MSRA: variants seen among roughly 807,000 people sequenced by gnomAD.
The protein encoded by MSRA is methionine sulfoxide reductase A.
In MSRA, 54 loss-of-function variants were observed where a neutral mutation model predicts 31.3. That is an observed-to-expected ratio of 1.73 (90% confidence interval 1.39 to 2.17). The LOEUF (loss-of-function observed/expected upper bound fraction) is 2.17, where lower values mean the gene tolerates loss of function less well. MSRA is among the 30% of genes most tolerant of loss of function. The pLI is 0.00. For synonymous variants in MSRA, 169 were observed against 116.5 expected, an observed-to-expected ratio of 1.45 and a Z score of -2.90; for missense variants, 507 against 300.9, an observed-to-expected ratio of 1.69 and a Z score of -5.07.
chr8:10,282,548 C>G (rs985464232), intron 3 of MSRA, among the ~76,000 whole-genome samples: 6 of 152,202 alleles, frequency 3.9e-5, no homozygotes, highest in African/African-American at 1.4e-4. Flanking sequence ...CCTATTATCT[C>G]TGTAGCCTCC....
At chr8:10,114,550 G>C (rs1332268074) in intron 1 of MSRA, among the ~76,000 whole-genome samples, 8 of 152,090 alleles carry the variant, frequency 5.3e-5, no homozygotes, top group African/African-American at 1.9e-4. Context: ...GGTGTGAAGT[G>C]GTATCTCATT....
intron 3 of MSRA, among the ~76,000 whole-genome samples, chr8:10,296,338 C>G (rs781750930): frequency 2.0e-5 from 3 of 152,184 alleles, no homozygotes; most frequent in Non-Finnish European, 2.9e-5. Context: ...TACGGAAACA[C>G]GAAAGGTTAA....
At chr8:10,177,327 G>T (rs1212656879) in intron 1 of MSRA, among the ~76,000 whole-genome samples, 2 of 152,210 alleles carry the variant, frequency 1.3e-5, no homozygotes, top group African/African-American at 4.8e-5. Flanking sequence ...TGATGTAACT[G>T]ACAACACACT....
intron 1 of MSRA, among the ~76,000 whole-genome samples, chr8:10,119,702 C>G (rs749438631): frequency 2.0e-5 from 3 of 152,014 alleles, no homozygotes; most frequent in Non-Finnish European, 4.4e-5. Flanking sequence ...TGAAGACAGT[C>G]GTAAGGGAGG....
intron 1 of MSRA, among the ~76,000 whole-genome samples, chr8:10,116,866 C>T (rs533512633): frequency 2.4e-4 from 36 of 152,078 alleles, no homozygotes; most frequent in African/African-American, 7.5e-4. Context: ...ACTTGGGAGG[C>T]GAGGCAGGAG....
intron 5 of MSRA, among the ~76,000 whole-genome samples, chr8:10,339,343 A>T (rs1022998164): frequency 1.3e-5 from 2 of 152,128 alleles, no homozygotes; most frequent in Non-Finnish European, 2.9e-5. Flanking sequence ...TTGAAATTAG[A>T]CTTGACCTTG....
In MSRA at chr8:10,428,437, T is replaced by G; in HGVS notation, c.*125T>G. 3 of 1,064,770 alleles carry G rather than the reference T, an allele frequency of 2.8e-6. No homozygotes were observed. The highest frequency in any genetic ancestry group is 4.1e-6 in the Non-Finnish European group (3 of 737,000). The allele number at this position is 1,064,770 out of a possible 1,614,324, so 66.0% of individuals were successfully genotyped here. On this transcript the variant is annotated 3_prime_UTR_variant, in exon 6 of 6. Transcript: ENST00000317173. ...AAAGTACAAAGGAATTTATACAGAT[T>G]GGGTTTACCGAAGTATAATCTATAG...
At chr8:10,224,459 T>G (rs746993924) in intron 2 of MSRA, among the ~76,000 whole-genome samples, 38 of 151,792 alleles carry the variant, frequency 2.5e-4, no homozygotes, top group Middle Eastern at 6.8e-3. Context: ...GAGCTTGATT[T>G]TCCTATTTAA....
At chr8:10,121,012 CGTTAAA>C (rs1349788318) in intron 1 of MSRA, among the ~76,000 whole-genome samples, 1 of 152,108 alleles carries the variant, frequency 6.6e-6, no homozygotes, top group Admixed American at 6.6e-5. Context: ...CTTTCGTTTG[CGTTAAA>C]ATTAAGTCAA....
chr8:10,111,857 A>G (rs1800314359), intron 1 of MSRA, among the ~76,000 whole-genome samples: 1 of 152,152 alleles, frequency 6.6e-6, no homozygotes, highest in Admixed American at 6.5e-5. Flanking sequence ...CTGCCCTGTG[A>G]GGCTTACATT....
At chr8:10,272,607 ATAT>A (rs1255220017) in intron 3 of MSRA, among the ~76,000 whole-genome samples, 1 of 152,244 alleles carries the variant, frequency 6.6e-6, no homozygotes, top group Non-Finnish European at 1.5e-5. Flanking sequence ...ACCCAGAATA[ATAT>A]TTAGCCAAAT....
chr8:10,372,423 G>T (rs1044518598), intron 5 of MSRA, among the ~76,000 whole-genome samples: 1 of 152,176 alleles, frequency 6.6e-6, no homozygotes, highest in African/African-American at 2.4e-5. Flanking sequence ...TAAAATGCTC[G>T]TGCATATATG....
chr8:10,238,284 A>G lies in MSRA; in HGVS notation c.212-6820A>G, dbSNP rs191767662. Among the ~76,000 whole-genome samples, 36 of 152,272 alleles carry G rather than the reference A, an allele frequency of 2.4e-4. No homozygotes were observed. The East Asian group carries it at 4.6e-3, about 20-fold the overall frequency. On this transcript the variant is annotated intron_variant, in intron 2 of 5. Coordinates refer to ENST00000317173, the MANE Select transcript of MSRA (RefSeq NM_012331.5). ...TCACCTTCCCTTGGAGGCTCACCCT[A>G]TTTAAAATTGTGCTTTCCCAGCCCA...
intron 5 of MSRA, among the ~76,000 whole-genome samples, chr8:10,416,588 T>A (rs1448084451): frequency 6.6e-6 from 1 of 152,240 alleles, no homozygotes; most frequent in Non-Finnish European, 1.5e-5. Context: ...ACCACCCATG[T>A]GACTTTCACT....
intron 1 of MSRA, among the ~76,000 whole-genome samples, chr8:10,119,329 G>C (rs1488182108): frequency 6.6e-6 from 1 of 152,206 alleles, no homozygotes; most frequent in Non-Finnish European, 1.5e-5. Flanking sequence ...GATGATGGCA[G>C]AACGCTGTAG....
intron 5 of MSRA, among the ~76,000 whole-genome samples, chr8:10,414,858 T>C (rs1233093802): frequency 6.6e-6 from 1 of 152,056 alleles, no homozygotes; most frequent in Admixed American, 6.6e-5. Flanking sequence ...ATTGCAGATA[T>C]GAAAAAGCAG....
At chr8:10,244,947 T>C (rs200493833) in intron 2 of MSRA, among the ~76,000 whole-genome samples, 157 bp from the exon 3 acceptor site, 104 of 152,154 alleles carry the variant, frequency 6.8e-4, no homozygotes, top group Non-Finnish European at 1.0e-3. Context: ...TGTTAAGAAC[T>C]CTCCTTCTTT....
chr8:10,080,871 T>A (rs1168479863), intron 1 of MSRA, among the ~76,000 whole-genome samples: 1 of 152,164 alleles, frequency 6.6e-6, no homozygotes, highest in Non-Finnish European at 1.5e-5. Context: ...GAAATTTGTT[T>A]ACAGCTTTTC....
rs181615515 is a variant in MSRA at position 10,379,963 on chromosome 8, C to T, written c.544-48185C>T. Among the ~76,000 whole-genome samples, 42 of 152,256 alleles carry T rather than the reference C, an allele frequency of 2.8e-4. 1 individual carries two copies. Among genetic ancestry groups the T allele is most frequent in the Admixed American group, 2.4e-3 (37 of 15,292 alleles). Reference sequence around the variant, plus strand: ...TGACATAAGTACTGATTGGGCCAGACGATACGAGAGGGTGGGCCTACAATG... The same window carrying T: ...TGACATAAGTACTGATTGGGCCAGATGATACGAGAGGGTGGGCCTACAATG... On this transcript the variant is annotated intron_variant, in intron 5 of 5. Transcript: ENST00000317173.
Sources: gnomAD v4.1 joint callset for allele counts (sites outside exome capture counted in the v4.1 genomes callset) on GRCh38, gnomAD v4.1.1 for gene constraint, MANE v1.5 for transcripts, NCBI Gene and HGNC (gene_info 2026-07-23, HGNC 2026-07-21) for gene names.